The following ANKFN1 variants were observed in gnomAD, a reference collection of about 807,000 sequenced individuals.
ANKFN1 encodes ankyrin repeat and fibronectin type-III domain-containing protein 1.
Under a neutral mutation model 108.7 loss-of-function variants are expected in ANKFN1, and 74 were observed. That is an observed-to-expected ratio of 0.68 (90% confidence interval 0.56 to 0.83). ANKFN1 has a LOEUF of 0.83. Among genes scored for constraint, ANKFN1 ranks in the 40% least tolerant of loss-of-function variants. The probability of loss-of-function intolerance (pLI) is 0.00; values close to 1 mark genes in which losing one functional copy is unlikely to be tolerated. For missense variants in ANKFN1, 1,505 were observed against 1,382.3 expected, an observed-to-expected ratio of 1.09 and a Z score of -1.41; for synonymous variants, 547 against 516.2, an observed-to-expected ratio of 1.06 and a Z score of -0.81.
At chr17:56,471,081 CA>C (rs1448702566) in intron 15 of ANKFN1, 1 of 152,294 alleles carries the variant, frequency 6.6e-6, no homozygotes, top group Non-Finnish European at 1.5e-5. Context: ...GATCCTCATG[CA>C]AACCCAAAGA....
At chr17:56,353,813 G>C (rs748234868) in intron 5 of ANKFN1, 23 bp from the exon 6 acceptor site, 27 of 1,610,750 alleles carry the variant, frequency 1.7e-5, no homozygotes, top group Middle Eastern at 1.7e-4. Context: ...AAATTGTGCT[G>C]ATCTACTTTT....
intron 4 of ANKFN1, among the ~76,000 whole-genome samples, chr17:56,120,011 T>C (rs767476749): frequency 7.2e-5 from 11 of 152,172 alleles, no homozygotes; most frequent in Non-Finnish European, 1.2e-4. Flanking sequence ...GGCAGGGATG[T>C]TGTTTCCATT....
intron 8 of ANKFN1, among the ~76,000 whole-genome samples, chr17:56,379,983 G>A (rs982545908): frequency 1.4e-4 from 22 of 152,096 alleles, no homozygotes; most frequent in South Asian, 1.2e-3. Context: ...TTATTCACGC[G>A]CATTGTCTCT....
chr17:56,317,124 G>T (rs988372108), intron 3 of ANKFN1, among the ~76,000 whole-genome samples: 1 of 152,106 alleles, frequency 6.6e-6, no homozygotes, highest in Admixed American at 6.6e-5. Context: ...TGGCAGAGAA[G>T]TTCTTCTATG....
At chr17:56,429,294 C>T (rs1242354174) in intron 8 of ANKFN1, among the ~76,000 whole-genome samples, 2 of 152,106 alleles carry the variant, frequency 1.3e-5, no homozygotes, top group South Asian at 2.1e-4. Flanking sequence ...ATGGATAGAA[C>T]GGTAGAAGGG....
intron 4 of ANKFN1, among the ~76,000 whole-genome samples, chr17:56,051,843 C>T (rs904766931): frequency 2.7e-4 from 41 of 151,106 alleles, no homozygotes; most frequent in Non-Finnish European, 4.7e-4. Context: ...AATAAAATAC[C>T]TAGGAATCCA....
chr17:56,155,005 C>A (rs531736091), intron 1 of ANKFN1, among the ~76,000 whole-genome samples: 2 of 152,270 alleles, frequency 1.3e-5, no homozygotes, highest in African/African-American at 4.8e-5. Flanking sequence ...AGTGTTTTCC[C>A]AACAAAAGTA....
Position 56,144,150 on chromosome 17 carries a change from G to A in ANKFN1, c.289-83767G>A, listed in dbSNP as rs147115684. On this transcript the variant is annotated intron_variant, in intron 4 of 12. Coordinates refer to the ANKFN1 transcript ENST00000635860. ...ACAAGTGCCTGACACAAACAGAGGC[G>A]CATCTGAAAAAAAAAAAAAAAAAAA... Among the ~76,000 whole-genome samples the A allele has an allele frequency of 4.4e-3, 452 of 103,290 alleles. 2 individuals are homozygous for A. The highest frequency in any genetic ancestry group is 0.019 in the South Asian group (52 of 2,770). 67.8% of individuals were successfully genotyped at this position (103,290 alleles called of 152,430 possible).
chr17:56,404,979 G>A (rs369829308), intron 8 of ANKFN1, among the ~76,000 whole-genome samples: 45 of 152,304 alleles, frequency 3.0e-4, no homozygotes, highest in African/African-American at 1.1e-3. Context: ...TCTGATACTG[G>A]GGAGTGTCTG....
At chr17:56,389,790 T>C (rs899860395) in intron 8 of ANKFN1, among the ~76,000 whole-genome samples, 15 of 152,176 alleles carry the variant, frequency 9.9e-5, no homozygotes, top group African/African-American at 3.6e-4. Context: ...GTGAGTTTTT[T>C]CCTGAGATAT....
rs1598749770 is a variant in ANKFN1 at position 56,516,672 on chromosome 17, T to C, written c.*5403T>C. Among the ~76,000 whole-genome samples the C allele has an allele frequency of 6.6e-6, 1 of 152,208 alleles. No homozygotes were observed. Among genetic ancestry groups the C allele is most frequent in the African/African-American group, 2.4e-5 (1 of 41,456 alleles). ...TCAAAAACAGCACTGGTAAAATGTA[T>C]GCCTCTTCAACCTACCAATTTATAA... On this transcript the variant is annotated 3_prime_UTR_variant, in exon 21 of 21. Coordinates refer to ENST00000682825, the MANE Select transcript of ANKFN1 (RefSeq NM_001370326.1).
At chr17:56,395,368 T>A (rs1045944420) in intron 8 of ANKFN1, among the ~76,000 whole-genome samples, 7 of 152,060 alleles carry the variant, frequency 4.6e-5, no homozygotes, top group African/African-American at 1.4e-4. Context: ...ACCACAGCCA[T>A]ACGGAGGCAC....
rs34588908 is a variant in ANKFN1 at position 56,091,418 on chromosome 17, TCACACACACACACACACA to T, written c.288+45120_288+45137del. On this transcript the variant is annotated intron_variant, in intron 4 of 12. Transcript: ENST00000635860. ...ATACTTCATTTTTCTTCCAAACAAA[TCACACACACACACACACA>T]CACACACACACACACACACACACAC... is the stretch of plus-strand genomic sequence containing the variant. Among the ~76,000 whole-genome samples, 17 of 136,918 alleles carry T rather than the reference TCACACACACACACACACA, an allele frequency of 1.2e-4. 1 individual carries two copies. The highest frequency in any genetic ancestry group is 9.9e-4 in the South Asian group (4 of 4,060). 89.8% of individuals were successfully genotyped at this position (136,918 alleles called of 152,430 possible).
rs1414550890 is a variant in ANKFN1, at chr17:56,498,986, C to A, written c.2532C>A (p.Asp844Glu). ...VSGLPITKLI[D>E]PSDEQSLKKI... is the part of the protein sequence containing the mutation. ...GCTTGCCCATCACTAAGCTGATAGA[C>A]CCCTCAGATGAGCAGAGCCTAAAGA... Residue 844 changes from aspartate (D) to glutamate (E), a missense_variant, in exon 20 of 21, where the codon GAC becomes GAA. Coordinates refer to ENST00000682825, the MANE Select transcript of ANKFN1 (RefSeq NM_001370326.1). 2.6e-6 allele frequency: 4 copies of A among 1,535,614 alleles called. No individual in the cohort carries two copies. The highest frequency in any genetic ancestry group is 1.2e-5 in the South Asian group (1 of 84,054).
At chr17:56,108,208 G>T (rs1175730698) in intron 4 of ANKFN1, among the ~76,000 whole-genome samples, 2 of 152,140 alleles carry the variant, frequency 1.3e-5, no homozygotes, top group Non-Finnish European at 1.5e-5. Flanking sequence ...GCTAATTTTT[G>T]TATTTTTAGT....
chr17:56,435,156 G>A (rs1298129517), intron 8 of ANKFN1, among the ~76,000 whole-genome samples: 15 of 152,134 alleles, frequency 9.9e-5, no homozygotes, highest in Admixed American at 9.8e-4. Flanking sequence ...TTCTGACACA[G>A]TTGTCTTATG....
chr17:56,344,360 A>G (rs2144636570), intron 4 of ANKFN1, among the ~76,000 whole-genome samples: 1 of 152,112 alleles, frequency 6.6e-6, no homozygotes, highest in East Asian at 1.9e-4. Flanking sequence ...AATGCCTAGA[A>G]CTGATAAGCA....
rs80209932 is a variant in ANKFN1 at position 56,458,557 on chromosome 17, A to G, written c.1557+578A>G. Among the ~76,000 whole-genome samples the G allele has an allele frequency of 4.6e-5, 7 of 152,208 alleles. No individual in the cohort carries two copies. The East Asian group carries it at 1.3e-3, about 29-fold the overall frequency. On this transcript the variant is annotated intron_variant, in intron 14 of 20. Coordinates refer to ENST00000682825, the MANE Select transcript of ANKFN1 (RefSeq NM_001370326.1). ...GATTTATCCTTCCATATTCTCAGTC[A>G]CATCAGATCAAGTCCCCAATCTTTG...
At chr17:56,322,655 G>A (rs1457173762) in intron 3 of ANKFN1, among the ~76,000 whole-genome samples, 1 of 152,138 alleles carries the variant, frequency 6.6e-6, no homozygotes, top group Non-Finnish European at 1.5e-5. Context: ...ATGCCGTGAC[G>A]CCGAACCTGT....
Sources: gnomAD v4.1 joint callset for allele counts (sites outside exome capture counted in the v4.1 genomes callset) on GRCh38, gnomAD v4.1.1 for gene constraint, MANE v1.5 for transcripts, NCBI Gene and HGNC (gene_info 2026-07-23, HGNC 2026-07-21) for gene names.